Variants in ZNF239 observed in about 807,000 individuals in gnomAD.
The protein encoded by ZNF239 is zinc finger protein (C2H2) homologous to mouse MOK-2.
In ZNF239, 16 loss-of-function variants were observed where a neutral mutation model predicts 27.5. The observed-to-expected ratio is 0.58, with a 90% CI of 0.39 to 0.88. ZNF239 has a LOEUF of 0.88. Among genes scored for constraint, ZNF239 ranks in the 40% least tolerant of loss-of-function variants. The pLI is 0.00. For synonymous variants in ZNF239, 199 were observed against 192.6 expected (o/e 1.03, Z -0.27); for missense variants, 527 against 551.9 (o/e 0.95, Z 0.45).
intron 3 of ZNF239, among the ~76,000 whole-genome samples, chr10:43,567,142 G>A (rs992205506): frequency 2.0e-5 from 3 of 151,862 alleles, no homozygotes; most frequent in Non-Finnish European, 2.9e-5. Context: ...AAAAGACTCC[G>A]TCTCAAAAAA....
At chr10:43,563,646 T>G (rs1837431339) in intron 3 of ZNF239, among the ~76,000 whole-genome samples, 2 of 152,212 alleles carry the variant, frequency 1.3e-5, no homozygotes, top group African/African-American at 4.8e-5. Context: ...TTAATAACAA[T>G]GAAAACCTAG....
chr10:43,566,460 A>G (rs751796914), intron 3 of ZNF239, among the ~76,000 whole-genome samples: 8 of 152,132 alleles, frequency 5.3e-5, no homozygotes, highest in Middle Eastern at 3.4e-3. Context: ...TAATTTTTGT[A>G]TATTTTGTAG....
At chr10:43,570,521 T>C (rs1388719255) in intron 2 of ZNF239, 3 of 985,076 alleles carry the variant, frequency 3.0e-6, no homozygotes, top group East Asian at 2.3e-4. Context: ...TCCCTTCTTC[T>C]ATCTTCAGAG....
rs1402849102 is a variant in ZNF239 at position 43,558,088 on chromosome 10, A to C, written c.-9T>G. On this transcript the variant is annotated 5_prime_UTR_variant, in exon 4 of 4. Coordinates refer to ENST00000374446, the MANE Select transcript of ZNF239 (RefSeq NM_001099282.2). ...GTAATTGTACTGGCCATGCCTTCCA[A>C]AACTAGCCAGGAGGAAAGCTCATGT... 1 of 1,606,568 alleles carries C rather than the reference A, an allele frequency of 6.2e-7. No individual in the cohort carries two copies.
At chr10:43,571,776 T>C (rs1838052638) in intron 2 of ZNF239, among the ~76,000 whole-genome samples, 1 of 152,114 alleles carries the variant, frequency 6.6e-6, no homozygotes, top group African/African-American at 2.4e-5. Flanking sequence ...CAGGCTGGTC[T>C]CAACTCCTGA....
chr10:43,556,892 G>C lies in ZNF239; in HGVS notation c.1188C>G (p.Val396=). 3 of 1,613,426 alleles carry C rather than the reference G, an allele frequency of 1.9e-6. No homozygotes were observed. Among genetic ancestry groups the C allele is most frequent in the Non-Finnish European group, 2.5e-6 (3 of 1,179,842 alleles). ...AGTGATAGGGCTTCTCTCCAGTGTG[G>C]ACTCTGAGATGGATGCGAAGATCCG... ...QSSDLRIHLR[V]HTGEKPYHCG... The change falls in exon 4 of 4, where the codon GTC becomes GTG. Residue 396 remains valine, a synonymous_variant. Transcript: ENST00000374446.
intron 2 of ZNF239, among the ~76,000 whole-genome samples, chr10:43,571,184 CA>C (rs1300922816): frequency 6.6e-6 from 1 of 151,408 alleles, no homozygotes; most frequent in African/African-American, 2.4e-5. Context: ...TTCTATCAGA[CA>C]AATGTCGACC....
Position 43,557,169 on chromosome 10 carries a change from G to C in ZNF239, c.911C>G (p.Ser304Cys), listed in dbSNP as rs1171458337. The stretch of plus-strand genomic sequence containing the variant: ...GACTCGCTGGTGGATGTGCAGTTTG[G>C]AGCTCTGACTAAAGCCCTTCCCACA... The part of the protein sequence containing the change: ...DKCGKGFSQS[S>C]KLHIHQRVHT... The change falls in exon 4 of 4, where the codon TCC becomes TGC. Residue 304 changes from serine (S) to cysteine (C), a missense_variant. Physicochemically the swap from Ser to Cys is moderately radical, Grantham distance 112. Coordinates refer to ENST00000374446, the MANE Select transcript of ZNF239 (RefSeq NM_001099282.2). The C allele has an allele frequency of 2.5e-6, 4 of 1,613,786 alleles. No individual in the cohort carries two copies. The highest frequency in any genetic ancestry group is 3.4e-6 in the Non-Finnish European group (4 of 1,179,964).
intron 3 of ZNF239, among the ~76,000 whole-genome samples, chr10:43,562,176 A>G (rs115632494): frequency 6.6e-6 from 1 of 152,188 alleles, no homozygotes; most frequent in African/African-American, 2.4e-5. Context: ...AAATATTGAT[A>G]AACTGAGAAA....
intron 3 of ZNF239, among the ~76,000 whole-genome samples, chr10:43,559,855 AG>A (rs1243729846): frequency 6.6e-6 from 1 of 152,194 alleles, no homozygotes; most frequent in African/African-American, 2.4e-5. Context: ...GGAGTGATGG[AG>A]GAACTAGGGG....
intron 3 of ZNF239, among the ~76,000 whole-genome samples, 179 bp downstream of exon 3, chr10:43,567,720 C>T (rs1837775601): frequency 1.3e-5 from 2 of 152,156 alleles, no homozygotes; most frequent in African/African-American, 4.8e-5. Flanking sequence ...CCACCTCTGG[C>T]TTATAAAGGA....
In ZNF239 at chr10:43,563,098, T is replaced by G. The variant is rs1055002206; in HGVS notation, c.-93+4801A>C. On this transcript the variant is annotated intron_variant, in intron 3 of 3. Transcript: ENST00000374446. ...GGGAGGCCGAGGTGGGTGGATTACT[T>G]GAGGTCAGGAGTTCGAGATCAGCCT... Among the ~76,000 whole-genome samples, 4 of 152,266 alleles carry G rather than the reference T, an allele frequency of 2.6e-5. No individual in the cohort carries two copies. In the South Asian group the frequency reaches 8.3e-4, roughly 32 times the overall value.
At chr10:43,570,572 T>C in intron 2 of ZNF239, 15 of 985,330 alleles carry the variant, frequency 1.5e-5, no homozygotes, top group Non-Finnish European at 1.8e-5. Flanking sequence ...CTTATTTTTT[T>C]ATCCGTCTTC....
At position 43,556,629 on chromosome 10, in the gene ZNF239, A is replaced by C; in HGVS notation, c.*74T>G. ...CATCTCTCTCCTTTGTAGAATATAA[A>C]GTAAGAGTGATACTAAATATTTAAC... On this transcript the variant is annotated 3_prime_UTR_variant, in exon 4 of 4. Transcript: ENST00000374446. 5 of 1,512,684 alleles carry C rather than the reference A, an allele frequency of 3.3e-6. No individual in the cohort carries two copies. The highest frequency in any genetic ancestry group is 4.4e-6 in the Non-Finnish European group (5 of 1,125,574). 93.7% of individuals were successfully genotyped at this position (1,512,684 alleles called of 1,614,324 possible). A position where few individuals can be genotyped will look rare whatever the true frequency, so the allele number is the denominator to read the frequency against.
At chr10:43,565,817 G>GAAAAAAAAA (rs36039838) in intron 3 of ZNF239, among the ~76,000 whole-genome samples, 58 of 67,156 alleles carry the variant, frequency 8.6e-4, no homozygotes, top group Admixed American at 1.1e-3. Flanking sequence ...TCCATCTCAA[G>GAAAAAAAAA]AAAAAAAAAA....
Position 43,558,118 on chromosome 10 carries a change from G to A in ZNF239, c.-39C>T, listed in dbSNP as rs746317301. 3 of 1,571,342 alleles carry A rather than the reference G, an allele frequency of 1.9e-6. No individual in the cohort carries two copies. Among genetic ancestry groups the A allele is most frequent in the African/African-American group, 1.4e-5 (1 of 73,454 alleles). On this transcript the variant is annotated 5_prime_UTR_variant, in exon 4 of 4. Coordinates refer to ENST00000374446, the MANE Select transcript of ZNF239 (RefSeq NM_001099282.2). ...AGCCAGGAGGAAAGCTCATGTAACA[G>A]ATCCTGAAGTGTTTTCTGCTGAAGA...
At position 43,557,872 on chromosome 10, in the gene ZNF239, T is replaced by C. The variant is rs889786487; in HGVS notation, c.208A>G (p.Ser70Gly). 1 of 1,614,250 alleles carries C rather than the reference T, an allele frequency of 6.2e-7. No individual in the cohort carries two copies. Among genetic ancestry groups the C allele is most frequent in the Admixed American group, 1.7e-5 (1 of 60,030 alleles). The change falls in exon 4 of 4, where the codon AGC becomes GGC. Residue 70 changes from serine to glycine, a missense_variant. Ser to Gly is a moderately conservative substitution (Grantham distance 56, BLOSUM62 0). Transcript: ENST00000374446. ...SETYLPLKVS[S>G]QIDTQDSSVK... ...GAAGAGTCTTGTGTGTCTATTTGGC[T>C]TGAGACTTTCAAAGGCAAATATGTT...
intron 2 of ZNF239, among the ~76,000 whole-genome samples, chr10:43,572,410 T>C (rs1650281436): frequency 6.6e-6 from 1 of 152,200 alleles, no homozygotes; most frequent in Non-Finnish European, 1.5e-5. Context: ...CTCATGTGTG[T>C]GAGGGCTGTA....
chr10:43,570,980 G>A, intron 2 of ZNF239: 4 of 985,158 alleles, frequency 4.1e-6, no homozygotes, highest in Non-Finnish European at 4.8e-6. Flanking sequence ...AAGGAGAAAA[G>A]GAAAGGAAAT....
Sources: allele counts gnomAD v4.1 joint callset (sites outside exome capture counted in the v4.1 genomes callset), GRCh38; gene constraint gnomAD v4.1.1; transcripts MANE v1.5; gene names NCBI Gene and HGNC (gene_info 2026-07-23, HGNC 2026-07-21).